The following SLC4A7 variants were observed in gnomAD, a reference collection of about 807,000 sequenced individuals.
SLC4A7 encodes the protein sodium bicarbonate cotransporter 3.
SLC4A7 carries 51 observed loss-of-function variants against 137.6 expected under a neutral mutation model. The ratio of observed to expected loss-of-function variants is 0.37; its 90% CI spans 0.30 to 0.47. The LOEUF (loss-of-function observed/expected upper bound fraction) is 0.47, where lower values mean the gene tolerates loss of function less well. Among genes scored for constraint, SLC4A7 ranks in the 20% least tolerant of loss-of-function variants. The pLI is 1.00. For synonymous variants in SLC4A7, 542 were observed against 518.6 expected, an observed-to-expected ratio of 1.05 and a Z score of -0.61; for missense variants, 1,247 against 1,525.4, an observed-to-expected ratio of 0.82 and a Z score of 3.04.
At chr3:27,430,935 A>C (rs1390038912) in intron 7 of SLC4A7, among the ~76,000 whole-genome samples, 1 of 152,228 alleles carries the variant, frequency 6.6e-6, no homozygotes, top group Non-Finnish European at 1.5e-5. Flanking sequence ...CTTGACCTTT[A>C]AATCTAAGTG....
At chr3:27,378,174 TAGAACTC>T (rs2050079031) in intron 25 of SLC4A7, among the ~76,000 whole-genome samples, 1 of 152,128 alleles carries the variant, frequency 6.6e-6, no homozygotes, top group African/African-American at 2.4e-5. Flanking sequence ...GCTGAGAAAT[TAGAACTC>T]AGATGACAGA....
chr3:27,423,372 T>C (rs903447320), intron 8 of SLC4A7, among the ~76,000 whole-genome samples: 2 of 152,204 alleles, frequency 1.3e-5, no homozygotes, highest in Admixed American at 1.3e-4. Context: ...CTAGATAGAA[T>C]CAATTGTTCA....
intron 3 of SLC4A7, among the ~76,000 whole-genome samples, chr3:27,441,247 T>C (rs377270329): frequency 1.3e-5 from 2 of 152,360 alleles, no homozygotes; most frequent in African/African-American, 4.8e-5. Context: ...CTAATCCATA[T>C]GCACAAAAAT....
intron 18 of SLC4A7, among the ~76,000 whole-genome samples, chr3:27,396,229 C>T (rs563463069): frequency 6.6e-6 from 1 of 152,162 alleles, no homozygotes; most frequent in African/African-American, 2.4e-5. Flanking sequence ...CTACCTCACA[C>T]TCAATGTTGT....
At chr3:27,411,858 GT>G (rs2150223429) in intron 11 of SLC4A7, 110 bp from the exon 12 acceptor site, 1 of 435,850 alleles carries the variant, frequency 2.3e-6, no homozygotes, top group South Asian at 1.0e-4. Context: ...TATCTAATCA[GT>G]TCTCCTAGAA....
chr3:27,434,549 G>A (rs772415197), intron 5 of SLC4A7, among the ~76,000 whole-genome samples: 48 of 152,100 alleles, frequency 3.2e-4, no homozygotes, highest in South Asian at 6.2e-4. Context: ...TGGGAATACA[G>A]CAATTTAAAA....
At chr3:27,411,452 T>G (rs746354242) in intron 12 of SLC4A7, among the ~76,000 whole-genome samples, 190 bp downstream of exon 12, 1 of 151,576 alleles carries the variant, frequency 6.6e-6, no homozygotes, top group Non-Finnish European at 1.5e-5. Context: ...TGATACATAC[T>G]ATTAAAATTA....
rs750119241 is a variant in SLC4A7, at chr3:27,431,336, T to C, written c.1112A>G (p.Glu371Gly). 1.2e-6 allele frequency: 2 copies of C among 1,607,600 alleles called. No individual in the cohort carries two copies. The highest frequency in any genetic ancestry group is 2.2e-5 in the South Asian group (2 of 90,162). The change falls in exon 7 of 26, where the codon GAG becomes GGG. Residue 371 changes from glutamate (E) to glycine (G), a missense_variant. This residue lies in a region of SLC4A7 where 499 missense variants were observed against 664.2 expected (regional missense o/e 0.75). Transcript: ENST00000454389. ...EEDLEAALKG[E>G]EQKNEENVDL... ...AACATTTTCCTCATTCTTCTGCTCC[T>C]CGCCTTTCAGCGCTGCTTCTAAGTC...
intron 22 of SLC4A7, among the ~76,000 whole-genome samples, chr3:27,386,931 C>T (rs2051018012): frequency 6.6e-6 from 1 of 152,116 alleles, no homozygotes; most frequent in Non-Finnish European, 1.5e-5. Flanking sequence ...ACATTTAAAT[C>T]GTCCAATACT....
chr3:27,449,574 C>A (rs941575394), intron 2 of SLC4A7, among the ~76,000 whole-genome samples: 1 of 151,952 alleles, frequency 6.6e-6, no homozygotes, highest in African/African-American at 2.4e-5. Flanking sequence ...AAAGTTATTG[C>A]ATGCTTTTAA....
At chr3:27,421,127 G>A (rs1006800267) in intron 9 of SLC4A7, among the ~76,000 whole-genome samples, 2 of 151,762 alleles carry the variant, frequency 1.3e-5, no homozygotes, top group Admixed American at 6.6e-5. Context: ...TTAGTTCCAG[G>A]AAGAAAATGA....
intron 20 of SLC4A7, 32 bp downstream of exon 20, chr3:27,394,486 G>C: frequency 6.4e-7 from 1 of 1,567,350 alleles, no homozygotes; most frequent in Non-Finnish European, 8.7e-7. Flanking sequence ...GTTATAATAA[G>C]ATTGTAAAAC....
At chr3:27,419,522 G>C (rs985364430) in intron 10 of SLC4A7, among the ~76,000 whole-genome samples, 1 of 151,116 alleles carries the variant, frequency 6.6e-6, no homozygotes, top group Non-Finnish European at 1.5e-5. Context: ...TTTTAGTAGA[G>C]ATGGGGTTTC....
chr3:27,466,550 A>T (rs1190273680), intron 1 of SLC4A7, among the ~76,000 whole-genome samples: 3 of 152,134 alleles, frequency 2.0e-5, no homozygotes, highest in Admixed American at 6.5e-5. Flanking sequence ...TTTCTTGGAC[A>T]GCCGTGGTGA....
chr3:27,470,526 T>C (rs866858708), intron 1 of SLC4A7, among the ~76,000 whole-genome samples: 2 of 151,664 alleles, frequency 1.3e-5, no homozygotes, highest in African/African-American at 4.8e-5. Flanking sequence ...TATATAGGTA[T>C]GTATTATTTC....
rs915032805 is a variant in SLC4A7 at position 27,437,293 on chromosome 3, G to C, written c.428+95C>G. The C allele has an allele frequency of 7.6e-6, 5 of 657,032 alleles. No individual in the cohort carries two copies. The African/African-American group carries it at 9.5e-5, about 12-fold the overall frequency. 40.7% of individuals were successfully genotyped at this position (657,032 alleles called of 1,614,324 possible). ...TTGAACCTGGGAGGCAGAAGTTGCAGTGAGCCCAGATCGCACCATCGCACT... is the reference window on the plus strand; with the variant it reads ...TTGAACCTGGGAGGCAGAAGTTGCACTGAGCCCAGATCGCACCATCGCACT... On this transcript the variant is annotated intron_variant, in intron 4 of 25. Transcript: ENST00000454389.
At chr3:27,447,864 A>T (rs2150515626) in intron 3 of SLC4A7, among the ~76,000 whole-genome samples, 1 of 151,860 alleles carries the variant, frequency 6.6e-6, no homozygotes, top group Admixed American at 6.6e-5. Flanking sequence ...TGCACAGAAA[A>T]CCAAATAATC....
intron 24 of SLC4A7, 133 bp from the exon 25 acceptor site, chr3:27,379,489 A>C (rs1163514470): frequency 1.7e-6 from 1 of 577,426 alleles, no homozygotes; most frequent in Non-Finnish European, 3.1e-6. Flanking sequence ...ATTCTGTTAC[A>C]AAGTCCTTAT....
rs1406782624 is a variant in SLC4A7, at chr3:27,431,425, T to C, written c.1023A>G (p.Pro341=). 4 of 1,613,996 alleles carry C rather than the reference T, an allele frequency of 2.5e-6. No homozygotes were observed. The highest frequency in any genetic ancestry group is 3.4e-6 in the Non-Finnish European group (4 of 1,179,984). The change falls in exon 7 of 26, where the codon CCA becomes CCG. Residue 341 remains proline, a synonymous_variant. Transcript: ENST00000454389. Reference sequence around the variant, plus strand: ...CACTGGCAGGTGAAACCAGTAGTTCTGGGGCCTGACGCTGACTCTCTTGGG... The same window carrying C: ...CACTGGCAGGTGAAACCAGTAGTTCCGGGGCCTGACGCTGACTCTCTTGGG... ...RSSQESQRQA[P]ELLVSPASDD...
Sources: allele counts gnomAD v4.1 joint callset (sites outside exome capture counted in the v4.1 genomes callset), GRCh38; gene constraint gnomAD v4.1.1; regional missense constraint gnomAD v4.1.1; transcripts MANE v1.5; gene names NCBI Gene and HGNC (gene_info 2026-07-23, HGNC 2026-07-21).